The following DNER variants were observed in gnomAD, a reference collection of about 807,000 sequenced individuals.
The protein encoded by DNER is delta/notch like EGF repeat containing, also known as delta and Notch-like epidermal growth factor-related receptor.
Under a neutral mutation model 78.2 loss-of-function variants are expected in DNER, and 33 were observed. That is an observed-to-expected ratio of 0.42 (90% confidence interval 0.32 to 0.56). The LOEUF (loss-of-function observed/expected upper bound fraction) is 0.56. Among genes scored for constraint, DNER ranks in the 20% least tolerant of loss-of-function variants. The pLI, the probability that DNER is intolerant of heterozygous loss-of-function variation, is 0.11. For synonymous variants in DNER, 417 were observed against 384.8 expected (o/e 1.08, Z -0.98); for missense variants, 918 against 975.3 (o/e 0.94, Z 0.78).
chr2:229,628,356 G>A (rs562107962), intron 1 of DNER, among the ~76,000 whole-genome samples: 1 of 152,234 alleles, frequency 6.6e-6, no homozygotes. Context: ...AGCCCTTTCC[G>A]AATGTCCAAC....
intron 4 of DNER, among the ~76,000 whole-genome samples, chr2:229,564,523 C>T (rs1023111038): frequency 4.1e-5 from 6 of 144,864 alleles, no homozygotes; most frequent in Non-Finnish European, 9.0e-5. Flanking sequence ...TCCTCCTTAC[C>T]CCATCACCAT....
At chr2:229,650,657 AG>A (rs974729249) in intron 1 of DNER, among the ~76,000 whole-genome samples, 3 of 152,076 alleles carry the variant, frequency 2.0e-5, no homozygotes, top group African/African-American at 7.2e-5. Flanking sequence ...GTTTTCTTTC[AG>A]GGTTCCTTTT....
At chr2:229,534,072 C>T (rs1388492631) in intron 5 of DNER, among the ~76,000 whole-genome samples, 1 of 152,176 alleles carries the variant, frequency 6.6e-6, no homozygotes, top group Non-Finnish European at 1.5e-5. Context: ...AAACACAAGA[C>T]AGACATTATA....
chr2:229,447,326 G>A lies in DNER; in HGVS notation c.1476C>T (p.Leu492=). 6.2e-7 allele frequency: 1 copy of A among 1,602,002 alleles called. No homozygotes were observed. The highest frequency in any genetic ancestry group is 1.3e-5 in the African/African-American group (1 of 74,858). ...CRSVGTSYKC[L]CDPGYHGLYC... is the part of the protein sequence containing the mutation. Reference sequence around the variant, plus strand: ...AGGGGCGGTACCCACCTGGATCACAGAGGCATTTGTAGCTGGTGCCCACGC... The same window carrying A: ...AGGGGCGGTACCCACCTGGATCACAAAGGCATTTGTAGCTGGTGCCCACGC... Residue 492 remains leucine, a synonymous_variant, in exon 8 of 13, where the codon CTC becomes CTT. Coordinates refer to ENST00000341772, the MANE Select transcript of DNER (RefSeq NM_139072.4).
chr2:229,668,536 G>GTA (rs1163016191), intron 1 of DNER, among the ~76,000 whole-genome samples: 33 of 7,080 alleles, frequency 4.7e-3, no homozygotes, highest in African/African-American at 9.1e-3. Context: ...GTGTGTGTGT[G>GTA]TATATATATA....
intron 5 of DNER, among the ~76,000 whole-genome samples, chr2:229,529,723 AGAG>A (rs1307136787): frequency 6.6e-6 from 1 of 152,252 alleles, no homozygotes; most frequent in African/African-American, 2.4e-5. Context: ...GACATGAAGA[AGAG>A]GCCAGGTGCA....
chr2:229,668,577 T>A (rs1320223936), intron 1 of DNER, among the ~76,000 whole-genome samples: 1 of 129,486 alleles, frequency 7.7e-6, no homozygotes, highest in Non-Finnish European at 1.6e-5. Flanking sequence ...TATATATATA[T>A]ATAAAAGAAG....
chr2:229,385,833 T>C lies in DNER; in HGVS notation c.1855+2432A>G, dbSNP rs1248809287. ...GGAAATAAGAGAAGACACAAACAAATGAAAAAAACATTTCATGCTCATGGA... is the reference window on the plus strand; with the variant it reads ...GGAAATAAGAGAAGACACAAACAAACGAAAAAAACATTTCATGCTCATGGA... On this transcript the variant is annotated intron_variant, in intron 11 of 12. Coordinates refer to ENST00000341772, the MANE Select transcript of DNER (RefSeq NM_139072.4). Among the ~76,000 whole-genome samples, 3 of 151,736 alleles carry C rather than the reference T, an allele frequency of 2.0e-5. No individual in the cohort carries two copies. The East Asian group carries it at 5.8e-4, about 29-fold the overall frequency.
At chr2:229,399,870 A>T (rs1217473736) in intron 10 of DNER, among the ~76,000 whole-genome samples, 2 of 152,044 alleles carry the variant, frequency 1.3e-5, no homozygotes, top group African/African-American at 2.4e-5. Flanking sequence ...TTCAGGAAAG[A>T]ATGCAAACTG....
chr2:229,700,462 A>G (rs1488626772), intron 1 of DNER, among the ~76,000 whole-genome samples: 15 of 151,690 alleles, frequency 9.9e-5, no homozygotes, highest in Non-Finnish European at 1.9e-4. Context: ...CAGCTTCCCA[A>G]GTAGCTGGGT....
chr2:229,623,352 G>A (rs1256916377), intron 1 of DNER, among the ~76,000 whole-genome samples: 3 of 151,994 alleles, frequency 2.0e-5, no homozygotes, highest in Non-Finnish European at 2.9e-5. Flanking sequence ...CTTAGCTTCC[G>A]CCATGCTGCC....
In DNER at chr2:229,696,305, G is replaced by A. The variant is rs76370581; in HGVS notation, c.276+17843C>T. ...TGACTGGGATAGTATTACAACCCAC[G>A]ATGATTGACGGGGAGGCTGTATTTC... On this transcript the variant is annotated intron_variant, in intron 1 of 12. Transcript: ENST00000341772. Among the ~76,000 whole-genome samples the A allele has an allele frequency of 6.3e-3, 958 of 152,322 alleles. 7 individuals are homozygous for A. The highest frequency in any genetic ancestry group is 0.013 in the South Asian group (62 of 4,828).
intron 11 of DNER, among the ~76,000 whole-genome samples, chr2:229,386,411 G>A (rs1029545908): frequency 2.0e-5 from 3 of 152,104 alleles, no homozygotes; most frequent in African/African-American, 7.2e-5. Context: ...ATAGGCATGG[G>A]CAAAGACTTC....
At chr2:229,657,533 G>T (rs1698933041) in intron 1 of DNER, among the ~76,000 whole-genome samples, 1 of 152,140 alleles carries the variant, frequency 6.6e-6, no homozygotes, top group Non-Finnish European at 1.5e-5. Context: ...CATGACATAA[G>T]TAACAAAAGG....
At chr2:229,512,491 T>C in intron 6 of DNER, among the ~76,000 whole-genome samples, 1 of 152,104 alleles carries the variant, frequency 6.6e-6, no homozygotes. Context: ...TCATATGTTC[T>C]CACTCATAAA....
intron 1 of DNER, among the ~76,000 whole-genome samples, chr2:229,655,958 C>T (rs941210572): frequency 1.3e-5 from 2 of 152,098 alleles, no homozygotes; most frequent in African/African-American, 4.8e-5. Flanking sequence ...CCAGAAACCA[C>T]TAGAAACTGG....
rs114080369 is a variant in DNER at position 229,520,618 on chromosome 2, T to C, written c.994-7682A>G. Among the ~76,000 whole-genome samples the C allele has an allele frequency of 3.7e-3, 567 of 151,586 alleles. 3 individuals carry two copies. The highest frequency in any genetic ancestry group is 0.013 in the African/African-American group (548 of 41,396). ...GAGATTTTCCATAATAAAACAAACA[T>C]TTTTTTTTAATTTTAAGAATCTGGC... On this transcript the variant is annotated intron_variant, in intron 5 of 12. Transcript: ENST00000341772.
At chr2:229,514,476 T>C (rs573768460) in intron 5 of DNER, among the ~76,000 whole-genome samples, 3 of 152,342 alleles carry the variant, frequency 2.0e-5, no homozygotes, top group Admixed American at 6.5e-5. Context: ...TGAAATTTTA[T>C]CAAATGCCAT....
chr2:229,594,064 G>C (rs967170345), intron 1 of DNER, among the ~76,000 whole-genome samples: 2 of 152,198 alleles, frequency 1.3e-5, no homozygotes, highest in African/African-American at 2.4e-5. Flanking sequence ...TCAGTCCTCA[G>C]AGAGGCAGAG....
Sources: gnomAD v4.1 joint callset for allele counts (sites outside exome capture counted in the v4.1 genomes callset) on GRCh38, gnomAD v4.1.1 for gene constraint, MANE v1.5 for transcripts, NCBI Gene and HGNC (gene_info 2026-07-23, HGNC 2026-07-21) for gene names.